The following KSR2 variants were observed in gnomAD, a reference collection of about 807,000 sequenced individuals.
KSR2 encodes the protein kinase suppressor of ras 2.
In KSR2, 25 loss-of-function variants were observed where a neutral mutation model predicts 107.8. The observed-to-expected ratio is 0.23, with a 90% CI of 0.17 to 0.32. The LOEUF (loss-of-function observed/expected upper bound fraction) is 0.32. Ranked by LOEUF, KSR2 falls within the 10% of genes least tolerant of loss-of-function variation. KSR2 has a pLI of 1.00. For synonymous variants in KSR2, 480 were observed against 507.0 expected (o/e 0.95, Z 0.71); for missense variants, 887 against 1,268.9 (o/e 0.70, Z 4.57).
At chr12:117,908,871 C>A (rs962618342) in intron 1 of KSR2, among the ~76,000 whole-genome samples, 1 of 152,146 alleles carries the variant, frequency 6.6e-6, no homozygotes, top group Non-Finnish European at 1.5e-5. Flanking sequence ...AGTGAAATGT[C>A]CTACTCAATT....
chr12:117,527,318 CACACACAG>C (rs1440346169), intron 12 of KSR2, among the ~76,000 whole-genome samples, 199 bp from the exon 13 acceptor site: 35 of 133,892 alleles, frequency 2.6e-4, no homozygotes, highest in South Asian at 4.8e-4. Context: ...CACACACACA[CACACACAG>C]ACACACACAC....
chr12:117,539,350 T>C (rs1876293145), intron 10 of KSR2: 2 of 216,970 alleles, frequency 9.2e-6, no homozygotes, highest in Non-Finnish European at 8.9e-6. Flanking sequence ...ATAAGACAAC[T>C]GTCATCTCCA....
chr12:117,701,472 A>G (rs1426141860), intron 4 of KSR2, among the ~76,000 whole-genome samples: 1 of 152,166 alleles, frequency 6.6e-6, no homozygotes, highest in Non-Finnish European at 1.5e-5. Context: ...AAAGCATATA[A>G]AATAAAGATC....
intron 1 of KSR2, among the ~76,000 whole-genome samples, chr12:117,871,899 C>G (rs1006114386): frequency 1.3e-5 from 2 of 152,070 alleles, no homozygotes; most frequent in African/African-American, 4.8e-5. Context: ...TCAAGCAATC[C>G]TTTCACCTCA....
intron 1 of KSR2, among the ~76,000 whole-genome samples, chr12:117,874,625 C>G (rs1893769391): frequency 6.6e-6 from 1 of 152,116 alleles, no homozygotes; most frequent in African/African-American, 2.4e-5. Flanking sequence ...GCATCGGGAT[C>G]GTGATTTGAA....
intron 3 of KSR2, among the ~76,000 whole-genome samples, chr12:117,839,721 G>A (rs1330559730): frequency 6.6e-6 from 1 of 152,176 alleles, no homozygotes; most frequent in Non-Finnish European, 1.5e-5. Flanking sequence ...AGTTGCCTAA[G>A]CCATGGGAAG....
At chr12:117,795,542 A>G (rs1890593923) in intron 3 of KSR2, among the ~76,000 whole-genome samples, 1 of 152,196 alleles carries the variant, frequency 6.6e-6, no homozygotes, top group Admixed American at 6.5e-5. Context: ...CCAGAGAATG[A>G]CATTTGCCTC....
At position 117,463,481 on chromosome 12, in the gene KSR2, C is replaced by T. The variant is rs918881184; in HGVS notation, c.*3718G>A. On this transcript the variant is annotated 3_prime_UTR_variant, in exon 20 of 20. Coordinates refer to ENST00000339824, the MANE Select transcript of KSR2 (RefSeq NM_173598.6). ...CATCGTCTCTGTTGCAAATAGCTGG[C>T]TCTGTCACAGTTGCATAGGAGCAGC... 5 of 152,214 alleles carry T rather than the reference C, an allele frequency of 3.3e-5. No individual in the cohort carries two copies. Among genetic ancestry groups the T allele is most frequent in the African/African-American group, 7.2e-5 (3 of 41,458 alleles). 9.4% of individuals were successfully genotyped at this position (152,214 alleles called of 1,614,324 possible). A position where few individuals can be genotyped will look rare whatever the true frequency, so the allele number is the denominator to read the frequency against.
At chr12:117,682,150 C>T (rs1407743706) in intron 4 of KSR2, among the ~76,000 whole-genome samples, 1 of 152,104 alleles carries the variant, frequency 6.6e-6, no homozygotes, top group Non-Finnish European at 1.5e-5. Context: ...CCATTATCCT[C>T]AGCAAACTAA....
intron 5 of KSR2, among the ~76,000 whole-genome samples, chr12:117,633,135 G>A (rs190636225): frequency 2.3e-3 from 348 of 152,310 alleles, no homozygotes; most frequent in Non-Finnish European, 3.5e-3. Context: ...TTTATCAAAA[G>A]ACATTTTTCA....
At chr12:117,521,963 A>C (rs181657148) in intron 14 of KSR2, among the ~76,000 whole-genome samples, 6 of 152,306 alleles carry the variant, frequency 3.9e-5, no homozygotes, top group Admixed American at 3.3e-4. Context: ...ATATAACAAC[A>C]CAATAATATG....
intron 5 of KSR2, among the ~76,000 whole-genome samples, chr12:117,605,296 G>C (rs552173631): frequency 4.9e-4 from 75 of 152,332 alleles, no homozygotes; most frequent in Middle Eastern, 3.4e-3. Context: ...GTTCATTAAG[G>C]CTCCTCCAAT....
rs539572384 is a variant in KSR2, at chr12:117,497,914, C to T, written c.2220-12223G>A. ...CAAGTGCGTGTGATTTTATGTCCAA[C>T]TTTAATGCCCACTACTCAGCAGTAC... On this transcript the variant is annotated intron_variant, in intron 14 of 19. Coordinates refer to ENST00000339824, the MANE Select transcript of KSR2 (RefSeq NM_173598.6). Among the ~76,000 whole-genome samples the T allele has an allele frequency of 2.2e-4, 33 of 152,318 alleles. No homozygotes were observed. The East Asian group carries it at 5.2e-3, about 24-fold the overall frequency.
At chr12:117,756,071 T>C (rs1345463108) in intron 4 of KSR2, among the ~76,000 whole-genome samples, 5 of 152,126 alleles carry the variant, frequency 3.3e-5, no homozygotes, top group African/African-American at 1.2e-4. Context: ...CTTATAAGGT[T>C]TGTGGAAAGA....
intron 4 of KSR2, 74 bp downstream of exon 4, chr12:117,760,937 G>A: frequency 6.3e-7 from 1 of 1,585,916 alleles, no homozygotes; most frequent in Middle Eastern, 2.2e-4. Context: ...GACCTGGGCA[G>A]TTCCTGGGAC....
intron 8 of KSR2, among the ~76,000 whole-genome samples, chr12:117,556,219 G>A (rs1877687898): frequency 6.6e-6 from 1 of 151,964 alleles, no homozygotes; most frequent in South Asian, 2.1e-4. Context: ...CCTTGAGGGT[G>A]GGTGGGAGGG....
chr12:117,605,968 A>G (rs902793259), intron 5 of KSR2, among the ~76,000 whole-genome samples: 1 of 152,138 alleles, frequency 6.6e-6, no homozygotes, highest in African/African-American at 2.4e-5. Context: ...CGAGAAAAAG[A>G]AACCAAAGAA....
intron 14 of KSR2, among the ~76,000 whole-genome samples, chr12:117,493,190 T>A (rs780887741): frequency 2.0e-5 from 3 of 152,186 alleles, no homozygotes; most frequent in Non-Finnish European, 4.4e-5. Context: ...ACCATGAATA[T>A]TATTGCTAAT....
At chr12:117,957,674 A>C (rs1197343630) in intron 1 of KSR2, among the ~76,000 whole-genome samples, 2 of 152,068 alleles carry the variant, frequency 1.3e-5, no homozygotes, top group Non-Finnish European at 2.9e-5. Context: ...TGCCTGGTAG[A>C]ATCCACTCTC....
Sources: gnomAD v4.1 joint callset for allele counts (sites outside exome capture counted in the v4.1 genomes callset) on GRCh38, gnomAD v4.1.1 for gene constraint, MANE v1.5 for transcripts, NCBI Gene and HGNC (gene_info 2026-07-23, HGNC 2026-07-21) for gene names.